Variants in VWA3B observed in about 807,000 individuals in gnomAD.
VWA3B encodes the protein von Willebrand factor A domain-containing protein 3B.
Under a neutral mutation model 158.3 loss-of-function variants are expected in VWA3B, and 138 were observed. That is an observed-to-expected ratio of 0.87 (90% CI 0.76 to 1.00). The LOEUF (loss-of-function observed/expected upper bound fraction) is 1.00, where lower values mean the gene tolerates loss of function less well. Ranked by LOEUF, VWA3B falls within the 50% of genes least tolerant of loss-of-function variation. The pLI is 0.00. For missense variants in VWA3B, 1,555 were observed against 1,565.1 expected, an observed-to-expected ratio of 0.99 and a Z score of 0.11; for synonymous variants, 596 against 587.3, an observed-to-expected ratio of 1.01 and a Z score of -0.21.
At chr2:98,149,056 C>G (rs1677402339) in intron 7 of VWA3B, among the ~76,000 whole-genome samples, 1 of 152,180 alleles carries the variant, frequency 6.6e-6, no homozygotes. Context: ...TACTGACATT[C>G]TAAGCTTTTT....
chr2:98,285,550 T>G (rs1425839039), intron 22 of VWA3B, among the ~76,000 whole-genome samples: 1 of 151,898 alleles, frequency 6.6e-6, no homozygotes, highest in Non-Finnish European at 1.5e-5. Flanking sequence ...AAAAATCAAT[T>G]GACTATAAAT....
chr2:98,167,129 G>A (rs545947750), intron 8 of VWA3B, among the ~76,000 whole-genome samples: 12 of 152,212 alleles, frequency 7.9e-5, no homozygotes, highest in Non-Finnish European at 1.6e-4. Context: ...GAGAGATGGT[G>A]GCCAGCGGGA....
In VWA3B at chr2:98,128,421, T is replaced by A. The variant is rs1345849559; in HGVS notation, c.872+13T>A. On this transcript the variant is annotated intron_variant, in intron 6 of 27. Coordinates refer to ENST00000477737, the MANE Select transcript of VWA3B (RefSeq NM_144992.5). ...AGACCCACAGCAGGTAGGCAGAAAA[T>A]GTGCTCTTGAGTGACAGCAAGCGGG... 35 of 1,610,354 alleles carry A rather than the reference T, an allele frequency of 2.2e-5. No homozygotes were observed. The Admixed American group carries it at 5.8e-4, about 27-fold the overall frequency.
chr2:98,144,493 C>A (rs911996681), intron 7 of VWA3B, among the ~76,000 whole-genome samples: 33 of 151,742 alleles, frequency 2.2e-4, no homozygotes, highest in African/African-American at 7.3e-4. Flanking sequence ...TGAAGTTCCT[C>A]TTCTAGTCAT....
At chr2:98,226,485 G>A (rs997529735) in intron 14 of VWA3B, among the ~76,000 whole-genome samples, 1 of 152,138 alleles carries the variant, frequency 6.6e-6, no homozygotes, top group African/African-American at 2.4e-5. Flanking sequence ...AGAAATGTGG[G>A]AAAAATTATG....
At position 98,093,238 on chromosome 2, in the gene VWA3B, A is replaced by C; in HGVS notation, c.146A>C (p.Lys49Thr). Residue 49 changes from lysine (K) to threonine (T), a missense_variant, in exon 2 of 28, where the codon AAA becomes ACA. Physicochemically the swap from Lys to Thr is moderately conservative, Grantham distance 78 (BLOSUM62 -1). Coordinates refer to ENST00000477737, the MANE Select transcript of VWA3B (RefSeq NM_144992.5). ...CAACTGCATGGGCTTAAGAGCAACA[A>C]ATTGACCTTGAAACAGATTTTGTCA... ...WLQLHGLKSN[K>T]LTLKQILSQI... 6.2e-7 allele frequency: 1 copy of C among 1,614,118 alleles called. No homozygotes were observed.
intron 26 of VWA3B, among the ~76,000 whole-genome samples, chr2:98,305,462 G>A (rs559409323): frequency 6.6e-6 from 1 of 152,326 alleles, no homozygotes; most frequent in African/African-American, 2.4e-5. Context: ...CAGGATGACA[G>A]TGATGTGAAG....
intron 22 of VWA3B, among the ~76,000 whole-genome samples, chr2:98,285,471 C>A (rs1689114377): frequency 6.6e-6 from 1 of 151,858 alleles, no homozygotes; most frequent in East Asian, 1.9e-4. Flanking sequence ...ATTTTCATTT[C>A]TCTTGACGGG....
At chr2:98,246,361 C>T (rs1686393553) in intron 19 of VWA3B, among the ~76,000 whole-genome samples, 1 of 151,926 alleles carries the variant, frequency 6.6e-6, no homozygotes, top group Non-Finnish European at 1.5e-5. Flanking sequence ...TTTTCATATA[C>T]ATTTTAATTT....
intron 21 of VWA3B, among the ~76,000 whole-genome samples, chr2:98,266,926 T>C (rs1687875635): frequency 6.7e-6 from 1 of 148,964 alleles, no homozygotes; most frequent in African/African-American, 2.5e-5. Flanking sequence ...AAGTTGCTTA[T>C]CAGCTTAAGG....
chr2:98,152,192 G>A (rs1199003354), intron 7 of VWA3B, among the ~76,000 whole-genome samples: 1 of 152,232 alleles, frequency 6.6e-6, no homozygotes, highest in Non-Finnish European at 1.5e-5. Context: ...GGTAAGTAGG[G>A]TTATGCCATG....
chr2:98,156,243 C>T (rs1044791416), intron 7 of VWA3B, among the ~76,000 whole-genome samples: 1 of 152,196 alleles, frequency 6.6e-6, no homozygotes, highest in African/African-American at 2.4e-5. Flanking sequence ...TGATGATTCT[C>T]CAAGTAGATT....
At chr2:98,139,394 G>A (rs375983806) in intron 7 of VWA3B, among the ~76,000 whole-genome samples, 95 of 152,372 alleles carry the variant, frequency 6.2e-4, no homozygotes, top group African/African-American at 2.0e-3. Context: ...GCGGGCGCAC[G>A]GTGCAGGACT....
At chr2:98,299,996 T>C in intron 24 of VWA3B, 83 bp from the exon 25 acceptor site, 1 of 1,565,422 alleles carries the variant, frequency 6.4e-7, no homozygotes, top group Non-Finnish European at 8.7e-7. Flanking sequence ...GCCAATTGCC[T>C]TGGAGTATTT....
At chr2:98,301,410 G>A (rs927691033) in intron 25 of VWA3B, among the ~76,000 whole-genome samples, 10 of 152,016 alleles carry the variant, frequency 6.6e-5, no homozygotes, top group African/African-American at 2.4e-4. Flanking sequence ...ACTCAGTTTG[G>A]TCACATATAA....
At position 98,287,773 on chromosome 2, in the gene VWA3B, T is replaced by C. The variant is rs546624677; in HGVS notation, c.3046-2738T>C. 9.2e-5 allele frequency among the ~76,000 whole-genome samples: 14 copies of C among 152,336 alleles called. No individual in the cohort carries two copies. The South Asian group carries it at 1.4e-3, about 16-fold the overall frequency. On this transcript the variant is annotated intron_variant, in intron 22 of 27. Transcript: ENST00000477737. ...CAGAAAGGTTATAACTGAGCTGGTCTTTGAAGAAATTATCTGCAACAGGAA... is the reference window on the plus strand; with the variant it reads ...CAGAAAGGTTATAACTGAGCTGGTCCTTGAAGAAATTATCTGCAACAGGAA...
chr2:98,228,198 G>T lies in VWA3B; in HGVS notation c.2020-4G>T, dbSNP rs1250581146. ...TATAGCATATTCACTTCTCATTTTG[G>T]CAGAATGAAGATCTGACTCTTTTAG... is the stretch of plus-strand genomic sequence containing the variant. On this transcript the variant is annotated splice_polypyrimidine_tract_variant and splice_region_variant and intron_variant, in intron 14 of 27. Transcript: ENST00000477737. 1 of 1,608,140 alleles carries T rather than the reference G, an allele frequency of 6.2e-7. No individual in the cohort carries two copies. Among genetic ancestry groups the T allele is most frequent in the Non-Finnish European group, 8.5e-7 (1 of 1,178,018 alleles).
chr2:98,184,952 A>G (rs560115780), intron 9 of VWA3B, among the ~76,000 whole-genome samples: 19 of 152,156 alleles, frequency 1.2e-4, no homozygotes, highest in African/African-American at 4.1e-4. Context: ...TCTTGCTTTC[A>G]TTGGCTCCAA....
intron 8 of VWA3B, among the ~76,000 whole-genome samples, chr2:98,168,174 T>C (rs1679257375): frequency 6.6e-6 from 1 of 152,136 alleles, no homozygotes; most frequent in East Asian, 1.9e-4. Context: ...ACATTAGAAA[T>C]GGCAGAAGAG....
Sources: allele counts gnomAD v4.1 joint callset (sites outside exome capture counted in the v4.1 genomes callset), GRCh38; gene constraint gnomAD v4.1.1; transcripts MANE v1.5; gene names NCBI Gene and HGNC (gene_info 2026-07-23, HGNC 2026-07-21).